The following BICD2 variants were observed in gnomAD, a reference collection of about 807,000 sequenced individuals.
BICD2 encodes protein bicaudal D homolog 2.
A neutral mutation model predicts 72.9 loss-of-function variants in BICD2; 25 were observed. The ratio of observed to expected loss-of-function variants is 0.34; its 90% CI spans 0.25 to 0.48. The LOEUF is 0.48. BICD2 is among the 20% of genes least tolerant of loss of function. The probability of loss-of-function intolerance (pLI) is 0.99; values close to 1 mark genes in which losing one functional copy is unlikely to be tolerated. For synonymous variants in BICD2, 501 were observed against 516.1 expected (o/e 0.97, Z 0.40); for missense variants, 894 against 1,175.2 (o/e 0.76, Z 3.50).
At chr9:92,752,050 C>T (rs2131531302) in intron 1 of BICD2, among the ~76,000 whole-genome samples, 1 of 152,294 alleles carries the variant, frequency 6.6e-6, no homozygotes, top group African/African-American at 2.4e-5. Flanking sequence ...CGTGATCCAC[C>T]CGCCTCGGCC....
At chr9:92,747,739 T>C (rs1854044262) in intron 1 of BICD2, among the ~76,000 whole-genome samples, 1 of 152,190 alleles carries the variant, frequency 6.6e-6, no homozygotes, top group African/African-American at 2.4e-5. Context: ...TTCAGGCCTG[T>C]CCTTGTGGGC....
chr9:92,729,100 T>C lies in BICD2; in HGVS notation c.377A>G (p.Lys126Arg). The stretch of plus-strand genomic sequence containing the variant: ...GTTGGTGAGGACATTGCGCAACTGC[T>C]TCAGCTCCGTCTGCAGCTCTAGCAC... ...RKVLELQTEL[K>R]QLRNVLTNTQ... The change falls in exon 2 of 7, where the codon AAG (lysine) becomes AGG (arginine). Residue 126 changes from lysine (K) to arginine (R), a missense_variant. This residue lies in a region of BICD2 where 192 missense variants were observed against 243.6 expected (regional missense o/e 0.79). Transcript: ENST00000356884. 1 of 1,614,234 alleles carries C rather than the reference T, an allele frequency of 6.2e-7. No individual in the cohort carries two copies. The highest frequency in any genetic ancestry group is 8.5e-7 in the Non-Finnish European group (1 of 1,180,042).
intron 1 of BICD2, among the ~76,000 whole-genome samples, chr9:92,735,095 G>A (rs1190548862): frequency 6.6e-6 from 1 of 152,204 alleles, no homozygotes; most frequent in East Asian, 1.9e-4. Context: ...CTCTGAAGCT[G>A]CCTAGGCCCA....
chr9:92,762,032 C>G (rs1854383050), intron 1 of BICD2, among the ~76,000 whole-genome samples: 1 of 152,316 alleles, frequency 6.6e-6, no homozygotes, highest in South Asian at 2.1e-4. Context: ...ACACTGGGAC[C>G]AGCAGGCCAG....
intron 1 of BICD2, among the ~76,000 whole-genome samples, chr9:92,759,602 C>A (rs968568944): frequency 1.2e-4 from 18 of 152,162 alleles, no homozygotes; most frequent in Non-Finnish European, 1.3e-4. Context: ...GCTAGGCAGC[C>A]ACATTGGGCC....
intron 1 of BICD2, among the ~76,000 whole-genome samples, chr9:92,750,800 A>G (rs1854130669): frequency 6.6e-6 from 1 of 152,240 alleles, no homozygotes; most frequent in Non-Finnish European, 1.5e-5. Flanking sequence ...AGATCAAGGG[A>G]TCCTGGGCTG....
chr9:92,714,049 G>A lies in BICD2; in HGVS notation c.*1105C>T, dbSNP rs1175540028. ...GTGTGGATGGAGCCTCTGGAAATGG[G>A]AGAACCCTACAGCTACCTTTCCTCT... On this transcript the variant is annotated 3_prime_UTR_variant, in exon 7 of 7. Coordinates refer to ENST00000356884, the MANE Select transcript of BICD2 (RefSeq NM_001003800.2). 2 of 986,050 alleles carry A rather than the reference G, an allele frequency of 2.0e-6. No individual in the cohort carries two copies. The highest frequency in any genetic ancestry group is 4.7e-5 in the South Asian group (1 of 21,348). The allele number at this position is 986,050 out of a possible 1,614,324, so 61.1% of individuals were successfully genotyped here.
chr9:92,720,378 G>A lies in BICD2; in HGVS notation c.984C>T (p.Pro328=), dbSNP rs1853435681. 1 of 1,614,004 alleles carries A rather than the reference G, an allele frequency of 6.2e-7. No individual in the cohort carries two copies. The highest frequency in any genetic ancestry group is 8.5e-7 in the Non-Finnish European group (1 of 1,180,058). ...STPKKEGLAP[P]SPSLVSDLLS... ...GTAGGTCGGAGACGAGGCTGGGGGAGGGCGGTGCGAGGCCCTCCTTCTTGG... is the reference window on the plus strand; with the variant it reads ...GTAGGTCGGAGACGAGGCTGGGGGAAGGCGGTGCGAGGCCCTCCTTCTTGG... The change falls in exon 4 of 7, where the codon CCC becomes CCT. Residue 328 remains proline, a synonymous_variant. Coordinates refer to ENST00000356884, the MANE Select transcript of BICD2 (RefSeq NM_001003800.2). This position sits in a 1 kb window ranked among gnomAD's most constrained non-coding sequence, Gnocchi z 5.4.
At position 92,764,646 on chromosome 9, in the gene BICD2, C is replaced by A; in HGVS notation, c.99G>T (p.Leu33=). Residue 33 remains leucine, a synonymous_variant, in exon 1 of 7, where the codon CTG becomes CTT. Coordinates refer to ENST00000356884, the MANE Select transcript of BICD2 (RefSeq NM_001003800.2). This position sits in a 1 kb window ranked among gnomAD's most constrained non-coding sequence, Gnocchi z 5.5. Reference sequence around the variant, plus strand: ...GGATCTTCTCACGCGTGGTCTCGGCCAGCTCGTGGGACAGCCGCTTCACCT... The same window carrying A: ...GGATCTTCTCACGCGTGGTCTCGGCAAGCTCGTGGGACAGCCGCTTCACCT... The part of the protein sequence containing the change: ...RAEVKRLSHE[L]AETTREKIQA... 1 of 1,593,586 alleles carries A rather than the reference C, an allele frequency of 6.3e-7. No individual in the cohort carries two copies. The highest frequency in any genetic ancestry group is 8.5e-7 in the Non-Finnish European group (1 of 1,171,996).
chr9:92,736,699 G>C (rs1466982205), intron 1 of BICD2, among the ~76,000 whole-genome samples: 4 of 152,120 alleles, frequency 2.6e-5, no homozygotes, highest in Non-Finnish European at 5.9e-5. Flanking sequence ...ACCCTCTCTT[G>C]GGATCTGGAT....
Position 92,719,254 on chromosome 9 carries a change from T to G in BICD2, c.1391A>C (p.Glu464Ala), listed in dbSNP as rs1436358974. ...KALRSTHEAR[E>A]AQHAEEKGRY... The stretch of plus-strand genomic sequence containing the variant: ...GCCCTTCTCCTCGGCGTGCTGGGCC[T>G]CACGAGCCTCGTGCGTGCTGCGCAG... Residue 464 changes from glutamate (E) to alanine (A), a missense_variant, in exon 5 of 7, where the codon GAG becomes GCG. Physicochemically the swap from Glu to Ala is moderately radical, Grantham distance 107. Around this residue, in one of 5 missense-constraint regions of BICD2, gnomAD observed 371 missense variants for 439.1 expected, o/e 0.84. Coordinates refer to ENST00000356884, the MANE Select transcript of BICD2 (RefSeq NM_001003800.2). 6.2e-7 allele frequency: 1 copy of G among 1,613,082 alleles called. No individual in the cohort carries two copies. The highest frequency in any genetic ancestry group is 8.5e-7 in the Non-Finnish European group (1 of 1,179,994).
At chr9:92,763,467 G>C (rs1854413584) in intron 1 of BICD2, among the ~76,000 whole-genome samples, 1 of 152,144 alleles carries the variant, frequency 6.6e-6, no homozygotes. Context: ...ACGCAGTACT[G>C]CACTCCCATT....
chr9:92,725,984 AG>A (rs1379357965), intron 2 of BICD2, among the ~76,000 whole-genome samples: 1 of 152,192 alleles, frequency 6.6e-6, no homozygotes, highest in Non-Finnish European at 1.5e-5. Flanking sequence ...GGCCCAATCC[AG>A]GCCAGTCCTC....
intron 1 of BICD2, among the ~76,000 whole-genome samples, chr9:92,743,990 C>T (rs936375872): frequency 2.0e-5 from 3 of 152,122 alleles, no homozygotes; most frequent in East Asian, 1.9e-4. Context: ...ATCAAGTGCC[C>T]GTGGTGAGGA....
chr9:92,738,165 G>A (rs2131518811), intron 1 of BICD2, among the ~76,000 whole-genome samples: 1 of 152,348 alleles, frequency 6.6e-6, no homozygotes, highest in South Asian at 2.1e-4. Context: ...CCCTCACTGT[G>A]CCTGTCAATG....
intron 1 of BICD2, among the ~76,000 whole-genome samples, chr9:92,733,954 A>G (rs942359332): frequency 3.9e-5 from 6 of 152,026 alleles, no homozygotes; most frequent in African/African-American, 1.2e-4. Context: ...GCAACAGAGC[A>G]AGACTCCGTC....
In BICD2 at chr9:92,720,666, G is replaced by A. The variant is rs747485547; in HGVS notation, c.696C>T (p.Leu232=). ...CCAGCTGCCGCTCTGAGATCTCCTT[G>A]AGGCGGATGGCATCCTCCAGCTGGC... ...LNSQLEDAIR[L]KEISERQLEE... is the part of the protein sequence containing the mutation. The change falls in exon 4 of 7, where the codon CTC becomes CTT. Residue 232 remains leucine, a synonymous_variant. Coordinates refer to ENST00000356884, the MANE Select transcript of BICD2 (RefSeq NM_001003800.2). The surrounding 1 kb of genome is among the most constrained non-coding windows in gnomAD (Gnocchi z 5.4). The A allele has an allele frequency of 6.2e-7, 1 of 1,614,068 alleles. No individual in the cohort carries two copies. The highest frequency in any genetic ancestry group is 1.3e-5 in the African/African-American group (1 of 74,924).
intron 1 of BICD2, among the ~76,000 whole-genome samples, chr9:92,746,664 G>A (rs191163955): frequency 1.3e-5 from 2 of 152,286 alleles, no homozygotes; most frequent in Admixed American, 1.3e-4. Flanking sequence ...CACAGTGGAT[G>A]ATGCTCAGCA....
intron 1 of BICD2, among the ~76,000 whole-genome samples, chr9:92,734,707 G>A (rs1266456111): frequency 1.3e-5 from 2 of 152,070 alleles, no homozygotes; most frequent in Non-Finnish European, 1.5e-5. Flanking sequence ...TTAAGGGGTC[G>A]CCAGCCGTGG....
Sources: allele counts gnomAD v4.1 joint callset (sites outside exome capture counted in the v4.1 genomes callset), GRCh38; gene constraint gnomAD v4.1.1; regional missense constraint gnomAD v4.1.1; non-coding constraint Gnocchi (gnomAD v3.1); transcripts MANE v1.5; gene names NCBI Gene and HGNC (gene_info 2026-07-23, HGNC 2026-07-21).